ARHGEF26: variants seen among roughly 807,000 people sequenced by gnomAD.
The protein encoded by ARHGEF26 is Rho guanine nucleotide exchange factor 26.
A neutral mutation model predicts 89.4 loss-of-function variants in ARHGEF26; 59 were observed. That is an observed-to-expected ratio of 0.66 (90% confidence interval 0.54 to 0.82). ARHGEF26 has a LOEUF of 0.82. Ranked by LOEUF, ARHGEF26 falls within the 40% of genes least tolerant of loss-of-function variation. The pLI is 0.00. For missense variants in ARHGEF26, 1,234 were observed against 1,085.6 expected, an observed-to-expected ratio of 1.14 and a Z score of -1.92; for synonymous variants, 500 against 428.4, an observed-to-expected ratio of 1.17 and a Z score of -2.06.
At chr3:154,187,660 T>C in intron 6 of ARHGEF26, 25 bp from the exon 7 acceptor site, 1 of 1,530,954 alleles carries the variant, frequency 6.5e-7, no homozygotes, top group Non-Finnish European at 8.9e-7. Context: ...GAAGTGTTAA[T>C]TTTTTTTTCC....
chr3:154,152,524 A>C (rs749860616), intron 5 of ARHGEF26, among the ~76,000 whole-genome samples: 2 of 152,188 alleles, frequency 1.3e-5, no homozygotes, highest in Non-Finnish European at 2.9e-5. Context: ...TGTGATGTCA[A>C]GTCATCCACA....
At chr3:154,166,723 A>G (rs909662058) in intron 6 of ARHGEF26, among the ~76,000 whole-genome samples, 3 of 152,164 alleles carry the variant, frequency 2.0e-5, no homozygotes, top group African/African-American at 7.2e-5. Flanking sequence ...GGGCTGCCTC[A>G]ATGCTTATCC....
intron 6 of ARHGEF26, among the ~76,000 whole-genome samples, chr3:154,186,886 CTTTTTTT>C (rs201150057): frequency 2.7e-4 from 22 of 82,078 alleles, no homozygotes; most frequent in Non-Finnish European, 4.0e-4. Context: ...TTATTTCAGA[CTTTTTTT>C]TTTTTTTTTT....
chr3:154,226,101 T>C, intron 11 of ARHGEF26, 91 bp downstream of exon 11: 1 of 1,164,142 alleles, frequency 8.6e-7, no homozygotes, highest in African/African-American at 1.6e-5. Flanking sequence ...CTTTAAAAGC[T>C]AGAAATGTTG....
Position 154,239,285 on chromosome 3 carries a change from A to AGT in ARHGEF26, c.2091-1084_2091-1083insTG, listed in dbSNP as rs1717323323. On this transcript the variant is annotated intron_variant, in intron 11 of 14. Coordinates refer to ENST00000465093, the MANE Select transcript of ARHGEF26 (RefSeq NM_015595.4). ...GGGAGAGAGAGAGAGAGAGAGAGAG[A>AGT]GAGAGAGAGAGAGAGTGTGTGTGTG... Among the ~76,000 whole-genome samples, 6 of 104,350 alleles carry AGT rather than the reference A, an allele frequency of 5.7e-5. 1 individual carries two copies. Among genetic ancestry groups the AGT allele is most frequent in the South Asian group, 8.5e-4 (2 of 2,366 alleles). The allele number at this position is 104,350 out of a possible 152,430, so 68.5% of individuals were successfully genotyped here. A position where few individuals can be genotyped will look rare whatever the true frequency, so the allele number is the denominator to read the frequency against.
rs753764468 is a variant in ARHGEF26, at chr3:154,253,123, C to T, written c.2308C>T (p.Arg770Ter). 6.2e-7 allele frequency: 1 copy of T among 1,613,916 alleles called. No individual in the cohort carries two copies. Among genetic ancestry groups the T allele is most frequent in the Non-Finnish European group, 8.5e-7 (1 of 1,179,842 alleles). Residue 770 changes from arginine (R) to a stop codon, truncating the protein, a stop_gained, in exon 13 of 15, where the codon CGA (arginine) becomes TGA (stop). Coordinates refer to ENST00000465093, the MANE Select transcript of ARHGEF26 (RefSeq NM_015595.4). LOFTEE classifies it high-confidence loss of function. Reference protein sequence around the residue: ...MLLGAETQSERARWITALGHS... With the variant: ...MLLGAETQSE ...ATCTGCCCTCTGTTTTAGGAGCGAG[C>T]GAGCCCGCTGGATAACTGCCCTGGG...
intron 6 of ARHGEF26, among the ~76,000 whole-genome samples, chr3:154,155,402 G>A (rs1720274503): frequency 6.6e-6 from 1 of 151,988 alleles, no homozygotes; most frequent in Non-Finnish European, 1.5e-5. Context: ...GATTGGCTTA[G>A]CTAGTGAAAG....
At chr3:154,239,283 AGAGAGAGAGAGAGAGAGTGTGTGT>A (rs1559920483) in intron 11 of ARHGEF26, among the ~76,000 whole-genome samples, 9 of 104,050 alleles carry the variant, frequency 8.6e-5, no homozygotes, top group Non-Finnish European at 4.0e-5. Context: ...AGAGAGAGAG[AGAGAGAGAGAGAGAGAGTGTGTGT>A]GTGTGTGTGT....
At chr3:154,132,579 T>C (rs1323665943) in intron 4 of ARHGEF26, among the ~76,000 whole-genome samples, 3 of 152,186 alleles carry the variant, frequency 2.0e-5, no homozygotes, top group Admixed American at 2.0e-4. Flanking sequence ...GCTTCGTGCA[T>C]CATTAACAAT....
intron 7 of ARHGEF26, 72 bp from the exon 8 acceptor site, chr3:154,191,217 A>G (rs1713933518): frequency 6.8e-7 from 1 of 1,475,656 alleles, no homozygotes; most frequent in South Asian, 1.3e-5. Flanking sequence ...GTATTTTGTA[A>G]TACATTTTTA....
chr3:154,186,765 A>G (rs2108174972), intron 6 of ARHGEF26, among the ~76,000 whole-genome samples: 1 of 152,100 alleles, frequency 6.6e-6, no homozygotes, highest in East Asian at 1.9e-4. Context: ...CTTTCTCAGA[A>G]GAAAGAAAGA....
intron 11 of ARHGEF26, among the ~76,000 whole-genome samples, chr3:154,236,732 C>T (rs1019182843): frequency 6.6e-6 from 1 of 152,126 alleles, no homozygotes; most frequent in Non-Finnish European, 1.5e-5. Context: ...AGTTTCTGCT[C>T]CTCTTTCTAC....
At chr3:154,145,686 T>C (rs1719659239) in intron 4 of ARHGEF26, among the ~76,000 whole-genome samples, 1 of 152,150 alleles carries the variant, frequency 6.6e-6, no homozygotes, top group African/African-American at 2.4e-5. Context: ...AAAGAGGGCA[T>C]CAGAACATAA....
At chr3:154,132,833 C>T (rs1402264083) in intron 4 of ARHGEF26, among the ~76,000 whole-genome samples, 11 of 151,934 alleles carry the variant, frequency 7.2e-5, no homozygotes, top group Admixed American at 3.3e-4. Flanking sequence ...TAAAATCATC[C>T]TTCCATGCTT....
rs1056676079 is a variant in ARHGEF26, at chr3:154,122,574, G to A, written c.582G>A (p.Lys194=). 2.5e-6 allele frequency: 4 copies of A among 1,613,500 alleles called. No homozygotes were observed. The African/African-American group carries it at 4.0e-5, about 16-fold the overall frequency. ...GGTCAGGTTCGCAGTCCGGCCGGAA[G>A]GCAAAGGACCCCGAACGGGGGCTCT... ...SPGSGSQSGR[K]AKDPERGLFP... Residue 194 remains lysine (K), a synonymous_variant, in exon 2 of 15, where the codon AAG becomes AAA. Transcript: ENST00000465093.
At chr3:154,170,865 C>T (rs1314294105) in intron 6 of ARHGEF26, among the ~76,000 whole-genome samples, 2 of 152,188 alleles carry the variant, frequency 1.3e-5, no homozygotes, top group Non-Finnish European at 2.9e-5. Context: ...TGTATGGTCA[C>T]CCTCTAATGT....
chr3:154,217,965 T>C lies in ARHGEF26; in HGVS notation c.1935+7T>C. Reference sequence around the variant, plus strand: ...GCTGGAATTTAAAATTAAGGTATTCTCGTACCTTGTTCATTACTGTTCTTG... The same window carrying C: ...GCTGGAATTTAAAATTAAGGTATTCCCGTACCTTGTTCATTACTGTTCTTG... On this transcript the variant is annotated splice_region_variant and intron_variant, in intron 10 of 14. Transcript: ENST00000465093. 1 of 1,565,518 alleles carries C rather than the reference T, an allele frequency of 6.4e-7. No individual in the cohort carries two copies. The highest frequency in any genetic ancestry group is 2.3e-5 in the East Asian group (1 of 43,086).
chr3:154,237,782 T>A (rs1457625695), intron 11 of ARHGEF26, among the ~76,000 whole-genome samples: 4 of 152,244 alleles, frequency 2.6e-5, no homozygotes, highest in African/African-American at 9.6e-5. Context: ...TGTCATTGTT[T>A]AGGGCCTTAC....
At chr3:154,153,711 A>G (rs867035411) in intron 6 of ARHGEF26, among the ~76,000 whole-genome samples, 3 of 151,996 alleles carry the variant, frequency 2.0e-5, no homozygotes, top group Admixed American at 1.3e-4. Context: ...CTGAAACACA[A>G]CCAGAGTCAA....
Sources: gnomAD v4.1 joint callset for allele counts (sites outside exome capture counted in the v4.1 genomes callset) on GRCh38, gnomAD v4.1.1 for gene constraint, MANE v1.5 for transcripts, NCBI Gene and HGNC (gene_info 2026-07-23, HGNC 2026-07-21) for gene names.